The following ADRA1A variants were observed in gnomAD, a reference collection of about 807,000 sequenced individuals.
ADRA1A encodes the protein alpha-1A adrenergic receptor.
A neutral mutation model predicts 29.6 loss-of-function variants in ADRA1A; 31 were observed. The observed-to-expected ratio is 1.05, with a 90% confidence interval of 0.79 to 1.41. The LOEUF is 1.41. Ranked by LOEUF, ADRA1A falls within the 40% of genes most tolerant of loss-of-function variation. The probability of loss-of-function intolerance (pLI) is 0.00; values close to 1 mark genes in which losing one functional copy is unlikely to be tolerated. For missense variants in ADRA1A, 619 were observed against 601.1 expected (o/e 1.03, Z -0.31); for synonymous variants, 311 against 254.3 (o/e 1.22, Z -2.12).
chr8:26,782,424 A>G (rs191712810), intron 2 of ADRA1A, among the ~76,000 whole-genome samples: 83 of 152,364 alleles, frequency 5.4e-4, no homozygotes, highest in Middle Eastern at 3.4e-3. Context: ...TAACACGCAG[A>G]AAGGGATTGG....
chr8:26,751,320 C>T (rs917250390), intron 2 of ADRA1A, among the ~76,000 whole-genome samples: 4 of 151,602 alleles, frequency 2.6e-5, no homozygotes, highest in Admixed American at 6.6e-5. Flanking sequence ...TTTTTTCCTC[C>T]ACCTACACAA....
In ADRA1A at chr8:26,809,387, A is replaced by G. The variant is rs558161926; in HGVS notation, c.884-38721T>C. On this transcript the variant is annotated intron_variant, in intron 2 of 2. Coordinates refer to ENST00000380573, the MANE Select transcript of ADRA1A (RefSeq NM_000680.4). ...TACCCTGAAACCACCGAGGCCCAAAAGAAAGCAACTTCCTCAGTAGAGGAA... is the reference window on the plus strand; with the variant it reads ...TACCCTGAAACCACCGAGGCCCAAAGGAAAGCAACTTCCTCAGTAGAGGAA... 4.6e-4 allele frequency among the ~76,000 whole-genome samples: 70 copies of G among 152,176 alleles called. 2 individuals are homozygous for G. The South Asian group carries it at 0.011, about 24-fold the overall frequency.
chr8:26,783,634 G>A (rs1172253101), intron 2 of ADRA1A, among the ~76,000 whole-genome samples: 2 of 152,132 alleles, frequency 1.3e-5, no homozygotes, highest in African/African-American at 4.8e-5. Context: ...GGATCAACAT[G>A]GGAAGTGGTA....
intron 2 of ADRA1A, among the ~76,000 whole-genome samples, chr8:26,852,773 A>G (rs486354): frequency 0.24 from 36,650 of 152,104 alleles, 4,728 homozygotes; most frequent in Non-Finnish European, 0.3. Context: ...AAGCTGTTAC[A>G]GTTTATAGAA....
intron 2 of ADRA1A, among the ~76,000 whole-genome samples, chr8:26,758,731 G>T (rs1805337516): frequency 1.3e-5 from 2 of 152,188 alleles, no homozygotes; most frequent in Non-Finnish European, 2.9e-5. Flanking sequence ...TTGGGGTGGA[G>T]TTGGGAAGGT....
At chr8:26,832,667 G>A (rs531568830) in intron 2 of ADRA1A, among the ~76,000 whole-genome samples, 2 of 152,264 alleles carry the variant, frequency 1.3e-5, no homozygotes, top group South Asian at 2.1e-4. Context: ...CAAGCAGATT[G>A]TCTAGGGCAG....
intron 2 of ADRA1A, among the ~76,000 whole-genome samples, chr8:26,834,131 A>T (rs549279348): frequency 6.6e-6 from 1 of 152,354 alleles, no homozygotes; most frequent in Admixed American, 6.5e-5. Flanking sequence ...TAGAATGTAA[A>T]TATTCTACTC....
intron 2 of ADRA1A, among the ~76,000 whole-genome samples, chr8:26,795,938 G>A (rs975502219): frequency 1.3e-5 from 2 of 152,020 alleles, no homozygotes; most frequent in African/African-American, 4.8e-5. Flanking sequence ...ATACTATATG[G>A]ACCTGATTTG....
At chr8:26,822,694 A>G (rs1472462478) in intron 2 of ADRA1A, among the ~76,000 whole-genome samples, 9 of 152,222 alleles carry the variant, frequency 5.9e-5, no homozygotes, top group Non-Finnish European at 8.8e-5. Flanking sequence ...CATTGCTACA[A>G]AGGAATGCCT....
chr8:26,783,547 C>G (rs1807150468), intron 2 of ADRA1A, among the ~76,000 whole-genome samples: 1 of 152,160 alleles, frequency 6.6e-6, no homozygotes, highest in African/African-American at 2.4e-5. Flanking sequence ...TCCAACTGTT[C>G]CAGAGATAGT....
chr8:26,816,274 A>G (rs1433229425), intron 2 of ADRA1A, among the ~76,000 whole-genome samples: 1 of 152,220 alleles, frequency 6.6e-6, no homozygotes, highest in African/African-American at 2.4e-5. Context: ...GGGGAAGGGC[A>G]TGAGAAAAAC....
intron 2 of ADRA1A, among the ~76,000 whole-genome samples, chr8:26,794,373 T>C (rs917330501): frequency 2.0e-5 from 3 of 152,168 alleles, no homozygotes; most frequent in Non-Finnish European, 4.4e-5. Context: ...AGATAGTCTG[T>C]GTGGTTCTTC....
chr8:26,785,921 G>C (rs6998247), intron 2 of ADRA1A, among the ~76,000 whole-genome samples: 2 of 151,966 alleles, frequency 1.3e-5, no homozygotes, highest in Non-Finnish European at 2.9e-5. Flanking sequence ...GTCTTTCCAC[G>C]TCTCTCCATC....
chr8:26,778,226 C>A (rs111683059), intron 2 of ADRA1A, among the ~76,000 whole-genome samples: 6 of 152,132 alleles, frequency 3.9e-5, no homozygotes, highest in Admixed American at 3.9e-4. Flanking sequence ...CCCATAAGAA[C>A]GCTGGAAAGA....
downstream of ADRA1A, among the ~76,000 whole-genome samples, chr8:26,767,931 T>C (rs1040349299): frequency 2.0e-5 from 3 of 152,202 alleles, no homozygotes; most frequent in Non-Finnish European, 4.4e-5. Context: ...GATGCCTGCC[T>C]CTATAATAGG....
intron 2 of ADRA1A, among the ~76,000 whole-genome samples, chr8:26,781,499 A>G (rs1806979380): frequency 6.6e-6 from 1 of 152,202 alleles, no homozygotes. Context: ...ACAGCTGGAG[A>G]TAGATTCTCA....
intron 2 of ADRA1A, among the ~76,000 whole-genome samples, chr8:26,793,207 A>G (rs948460354): frequency 3.9e-5 from 6 of 151,982 alleles, no homozygotes; most frequent in Non-Finnish European, 5.9e-5. Flanking sequence ...ACATAGGTAT[A>G]TGTATGTATA....
In ADRA1A at chr8:26,813,363, T is replaced by A. The variant is rs1585744459; in HGVS notation, c.884-42697A>T. On this transcript the variant is annotated intron_variant, in intron 2 of 2. Coordinates refer to ENST00000380573, the MANE Select transcript of ADRA1A (RefSeq NM_000680.4). ...AACTATAAGGTATCCTTTTGTTTTT[T>A]CTTTCTTAACCCACTCATCTAACTT... Among the ~76,000 whole-genome samples the A allele has an allele frequency of 2.6e-5, 4 of 152,330 alleles. No homozygotes were observed. The South Asian group carries it at 6.2e-4, about 24-fold the overall frequency.
chr8:26,768,337 G>A (rs569508566), downstream of ADRA1A, among the ~76,000 whole-genome samples: 20 of 152,286 alleles, frequency 1.3e-4, no homozygotes, highest in African/African-American at 4.8e-4. Flanking sequence ...CAGGCAAATG[G>A]TCTTTAGTTT....
Sources: allele counts gnomAD v4.1 joint callset (sites outside exome capture counted in the v4.1 genomes callset), GRCh38; gene constraint gnomAD v4.1.1; transcripts MANE v1.5; gene names NCBI Gene and HGNC (gene_info 2026-07-23, HGNC 2026-07-21).